The following ATG7 variants were observed in gnomAD, a reference collection of about 807,000 sequenced individuals.
ATG7 encodes autophagy related 7, also known as ubiquitin-like modifier-activating enzyme ATG7.
Under a neutral mutation model 82.4 loss-of-function variants are expected in ATG7, and 70 were observed. The ratio of observed to expected loss-of-function variants is 0.85; its 90% CI spans 0.70 to 1.04. The LOEUF (loss-of-function observed/expected upper bound fraction) is 1.04. Among genes scored for constraint, ATG7 ranks in the 50% least tolerant of loss-of-function variants. The pLI, the probability that ATG7 is intolerant of heterozygous loss-of-function variation, is 0.00. For synonymous variants in ATG7, 287 were observed against 313.0 expected, an observed-to-expected ratio of 0.92 and a Z score of 0.88; for missense variants, 792 against 864.3, an observed-to-expected ratio of 0.92 and a Z score of 1.05.
chr3:11,477,192 CG>C (rs1352410523), intron 20 of ATG7: 1 of 1,288,676 alleles, frequency 7.8e-7, no homozygotes, highest in East Asian at 5.6e-5. Flanking sequence ...AACAAATGGA[CG>C]GAAGAATCAA....
chr3:11,397,144 A>G lies in ATG7; in HGVS notation c.1956+17092A>G, dbSNP rs141134239. Among the ~76,000 whole-genome samples, 743 of 152,300 alleles carry G rather than the reference A, an allele frequency of 4.9e-3. 7 individuals are homozygous for G. The highest frequency in any genetic ancestry group is 0.017 in the African/African-American group (712 of 41,568). On this transcript the variant is annotated intron_variant, in intron 19 of 20. Transcript: ENST00000693202. ...GGCGGTAGAAAGATTATCAAACCAG[A>G]TTTTTAAATTTATATGCATTATACA...
intron 20 of ATG7, among the ~76,000 whole-genome samples, chr3:11,470,888 TTCAGTCTTTC>T (rs150991065): frequency 0.017 from 2,541 of 152,332 alleles, 71 homozygotes; most frequent in African/African-American, 0.057. Flanking sequence ...ATTACTCTCG[TTCAGTCTTTC>T]TCCTTTGAGG....
chr3:11,322,501 G>GT (rs1234685283), intron 9 of ATG7, among the ~76,000 whole-genome samples: 1 of 151,840 alleles, frequency 6.6e-6, no homozygotes, highest in Non-Finnish European at 1.5e-5. Context: ...ACATTTTTAG[G>GT]TTTTTTTAAT....
chr3:11,322,389 CA>C (rs781352012), intron 9 of ATG7, among the ~76,000 whole-genome samples: 1 of 152,152 alleles, frequency 6.6e-6, no homozygotes, highest in Non-Finnish European at 1.5e-5. Flanking sequence ...GAAATACTGG[CA>C]AATAAATGAA....
intron 20 of ATG7, among the ~76,000 whole-genome samples, chr3:11,484,366 C>G (rs547399956): frequency 8.5e-5 from 13 of 152,140 alleles, no homozygotes; most frequent in African/African-American, 2.9e-4. Flanking sequence ...TGTACTCTAG[C>G]CCGGATGACA....
intron 3 of ATG7, among the ~76,000 whole-genome samples, chr3:11,286,466 A>C (rs1382617321): frequency 6.7e-6 from 1 of 149,674 alleles, no homozygotes; most frequent in African/African-American, 2.5e-5. Context: ...TTGTTCTCAT[A>C]GTCATAGAAG....
At chr3:11,495,710 C>T (rs2090773995) in intron 20 of ATG7, among the ~76,000 whole-genome samples, 1 of 152,188 alleles carries the variant, frequency 6.6e-6, no homozygotes, top group Admixed American at 6.5e-5. Flanking sequence ...TGACTGATGG[C>T]CATCATTCTA....
At chr3:11,315,597 T>G (rs1228523783) in intron 9 of ATG7, 104 bp downstream of exon 9, 3 of 1,066,108 alleles carry the variant, frequency 2.8e-6, no homozygotes, top group Non-Finnish European at 3.8e-6. Context: ...TAGATTTCCT[T>G]AGCCTTCAAA....
chr3:11,557,806 C>T (rs544863289), downstream of ATG7: 63 of 152,726 alleles, frequency 4.1e-4, no homozygotes, highest in African/African-American at 1.5e-3. Flanking sequence ...CTGCAGTGTT[C>T]AGAGAAGATA....
At chr3:11,344,163 TAAAC>T (rs1954111566) in intron 13 of ATG7, among the ~76,000 whole-genome samples, 1 of 152,226 alleles carries the variant, frequency 6.6e-6, no homozygotes, top group African/African-American at 2.4e-5. Context: ...GCCATCTTTC[TAAAC>T]TCTCTTAGTT....
At chr3:11,497,912 A>G (rs2090985445) in intron 20 of ATG7, among the ~76,000 whole-genome samples, 1 of 152,162 alleles carries the variant, frequency 6.6e-6, no homozygotes, top group African/African-American at 2.4e-5. Flanking sequence ...TAAAGCCACA[A>G]TTTTGGTTCT....
chr3:11,547,257 T>C (rs2071376584), intron 20 of ATG7, among the ~76,000 whole-genome samples: 1 of 152,230 alleles, frequency 6.6e-6, no homozygotes, highest in South Asian at 2.1e-4. Flanking sequence ...GTTTTCTCTG[T>C]GCTTCAGTCC....
chr3:11,442,739 C>CCAAAAAAAAAAAAAAAAAAAAAA lies in ATG7; in HGVS notation c.2079+15813_2079+15814insCAAAAAAAAAAAAAAAAAAAAAA, dbSNP rs1553668928. Among the ~76,000 whole-genome samples, 3 of 69,236 alleles carry CCAAAAAAAAAAAAAAAAAAAAAA rather than the reference C, an allele frequency of 4.3e-5. 1 individual carries two copies. The highest frequency in any genetic ancestry group is 1.1e-4 in the African/African-American group (2 of 17,574). The allele number at this position is 69,236 out of a possible 152,430, so 45.4% of individuals were successfully genotyped here. A position where few individuals can be genotyped will look rare whatever the true frequency, so the allele number is the denominator to read the frequency against. On this transcript the variant is annotated intron_variant, in intron 20 of 20. Transcript: ENST00000693202. Reference sequence around the variant, plus strand: ...GCAGCATAGTGAGACTCCATCTCTACAAAAAAAAAAAAAAAAAAAAAAAAA... The same window carrying CCAAAAAAAAAAAAAAAAAAAAAA: ...GCAGCATAGTGAGACTCCATCTCTACCAAAAAAAAAAAAAAAAAAAAAAAAAAAAAAAAAAAAAAAAAAAAAAA...
chr3:11,357,430 C>T (rs2076004391), intron 14 of ATG7, among the ~76,000 whole-genome samples: 2 of 152,196 alleles, frequency 1.3e-5, no homozygotes, highest in Non-Finnish European at 2.9e-5. Flanking sequence ...CTCTGTCCCA[C>T]ACTCTGACAT....
At chr3:11,346,047 C>G (rs2152784099) in intron 13 of ATG7, among the ~76,000 whole-genome samples, 1 of 152,128 alleles carries the variant, frequency 6.6e-6, no homozygotes, top group Admixed American at 6.5e-5. Context: ...AAAATGATGC[C>G]TGTCTATGAG....
At chr3:11,398,478 A>G (rs534413653) in intron 19 of ATG7, among the ~76,000 whole-genome samples, 10 of 152,352 alleles carry the variant, frequency 6.6e-5, no homozygotes, top group African/African-American at 2.4e-4. Context: ...AAAACTCATT[A>G]ATTAAGGATG....
chr3:11,353,647 G>A (rs1342676149), intron 14 of ATG7, among the ~76,000 whole-genome samples: 1 of 151,972 alleles, frequency 6.6e-6, no homozygotes, highest in Non-Finnish European at 1.5e-5. Context: ...GTGAGTTCTC[G>A]ACCTCTTAGT....
At chr3:11,514,507 G>A (rs75017044) in intron 20 of ATG7, among the ~76,000 whole-genome samples, 8 of 152,240 alleles carry the variant, frequency 5.3e-5, no homozygotes, top group East Asian at 3.9e-4. Context: ...AGGAAATACC[G>A]CCCAGTCTTT....
intron 20 of ATG7, among the ~76,000 whole-genome samples, chr3:11,505,264 C>T (rs548140166): frequency 6.6e-6 from 1 of 152,156 alleles, no homozygotes; most frequent in Admixed American, 6.5e-5. Context: ...TTCTATAGGC[C>T]TAGGGAATGG....
Sources: allele counts gnomAD v4.1 joint callset (sites outside exome capture counted in the v4.1 genomes callset), GRCh38; gene constraint gnomAD v4.1.1; transcripts MANE v1.5; gene names NCBI Gene and HGNC (gene_info 2026-07-23, HGNC 2026-07-21).